The following NDRG4 variants were observed in gnomAD, a reference collection of about 807,000 sequenced individuals.
NDRG4 encodes the protein protein NDRG4.
Under a neutral mutation model 55.8 loss-of-function variants are expected in NDRG4, and 38 were observed. The ratio of observed to expected loss-of-function variants is 0.68; its 90% CI spans 0.53 to 0.89. The LOEUF is 0.89. Among genes scored for constraint, NDRG4 ranks in the 40% least tolerant of loss-of-function variants. NDRG4 has a pLI of 0.00. For synonymous variants in NDRG4, 190 were observed against 182.7 expected (o/e 1.04, Z -0.32); for missense variants, 455 against 468.6 (o/e 0.97, Z 0.27).
At chr16:58,467,209 TAA>T (rs1359785612) in intron 1 of NDRG4, among the ~76,000 whole-genome samples, 5 of 152,186 alleles carry the variant, frequency 3.3e-5, no homozygotes, top group Non-Finnish European at 5.9e-5. Context: ...TACTGAATTT[TAA>T]AAACTCATAT....
upstream of NDRG4, chr16:58,500,129 A>C: frequency 6.5e-7 from 1 of 1,533,780 alleles, no homozygotes; most frequent in East Asian, 2.4e-5. Flanking sequence ...ATGGCCCAGG[A>C]GCTGTGCCCC....
intron 8 of NDRG4, chr16:58,507,573 C>G (rs1246595213): frequency 1.8e-6 from 1 of 548,010 alleles, no homozygotes; most frequent in Admixed American, 3.1e-5. Flanking sequence ...AGCAGAAACT[C>G]CCACAGCACA....
chr16:58,507,560 A>G, intron 8 of NDRG4: 1 of 545,142 alleles, frequency 1.8e-6, no homozygotes, highest in Non-Finnish European at 3.3e-6. Flanking sequence ...GAGACAGGCC[A>G]GTAGCAGAAA....
At chr16:58,479,793 A>G (rs2034171986) in intron 1 of NDRG4, among the ~76,000 whole-genome samples, 1 of 152,180 alleles carries the variant, frequency 6.6e-6, no homozygotes, top group Admixed American at 6.5e-5. Flanking sequence ...CTGAGGAGCA[A>G]TGGTCTGAGC....
intron 1 of NDRG4, chr16:58,501,168 C>A: frequency 1.2e-6 from 1 of 860,782 alleles, no homozygotes; most frequent in Non-Finnish European, 1.5e-6. Flanking sequence ...GCCGGTTCCG[C>A]AGACGATAGG....
At chr16:58,503,640 C>T (rs1017235732) in intron 1 of NDRG4, 158 bp from the exon 2 acceptor site, 1 of 1,425,206 alleles carries the variant, frequency 7.0e-7, no homozygotes, top group African/African-American at 1.4e-5. Context: ...TCCATCCATT[C>T]AGTCCTCTCT....
chr16:58,477,540 A>G (rs1408535429), intron 1 of NDRG4, among the ~76,000 whole-genome samples: 1 of 152,242 alleles, frequency 6.6e-6, no homozygotes, highest in Non-Finnish European at 1.5e-5. Flanking sequence ...CCCACAGGGT[A>G]AAATAAATAT....
intron 4 of NDRG4, 47 bp downstream of exon 4, chr16:58,504,468 C>A (rs1401255535): frequency 1.2e-6 from 2 of 1,611,934 alleles, no homozygotes; most frequent in Admixed American, 3.3e-5. Context: ...GGTGCCTACC[C>A]CAACTGCAGA....
At position 58,504,196 on chromosome 16, in the gene NDRG4, A is replaced by C. The variant is rs776133455; in HGVS notation, c.170A>C (p.Gln57Pro). Residue 57 changes from glutamine to proline, a missense_variant, in exon 3 of 15, where the codon CAG becomes CCG. By Grantham distance (76) the Gln-to-Pro change is moderately conservative. Coordinates refer to ENST00000570248, the MANE Select transcript of NDRG4 (RefSeq NM_001242835.2). ...ACCTTCTTCAACTTCGAGGACATGCAGGAGATCACCAAGCACTTTGTGGTG... is the reference window on the plus strand; with the variant it reads ...ACCTTCTTCAACTTCGAGGACATGCCGGAGATCACCAAGCACTTTGTGGTG... The part of the protein sequence containing the change: ...FNTFFNFEDM[Q>P]EITKHFVVCH... The C allele has an allele frequency of 2.5e-6, 4 of 1,614,058 alleles. No homozygotes were observed. In the African/African-American group the frequency reaches 5.3e-5, roughly 22 times the overall value.
At chr16:58,514,373 T>C (rs2039054001), downstream of NDRG4, among the ~76,000 whole-genome samples, 1 of 152,196 alleles carries the variant, frequency 6.6e-6, no homozygotes, top group Non-Finnish European at 1.5e-5. Context: ...CTTACATTAA[T>C]TCTACAGAGT....
In NDRG4 at chr16:58,506,584, C is replaced by A; in HGVS notation, c.486C>A (p.Pro162=). The A allele has an allele frequency of 6.4e-7, 1 of 1,574,498 alleles. No homozygotes were observed. The highest frequency in any genetic ancestry group is 8.6e-7 in the Non-Finnish European group (1 of 1,163,176). Residue 162 remains proline, a synonymous_variant, in exon 7 of 15, where the codon CCC becomes CCA. Transcript: ENST00000570248. Reference sequence around the variant, plus strand: ...TCTCCGGCCTAACTAGCACTTTACCCGACACGGTGCTCTCCCACCTCTTCA... The same window carrying A: ...TCTCCGGCCTAACTAGCACTTTACCAGACACGGTGCTCTCCCACCTCTTCA... ...TKLSGLTSTL[P]DTVLSHLFSQ... is the part of the protein sequence containing the mutation.
exon 2 of NDRG4, chr16:58,487,797 C>G (rs372683800): frequency 1.3e-5 from 20 of 1,543,954 alleles, no homozygotes; most frequent in Admixed American, 5.9e-5. Flanking sequence ...GCTGCAGGAG[C>G]TGCGATTCCC....
At chr16:58,477,170 A>G (rs998740724) in intron 1 of NDRG4, among the ~76,000 whole-genome samples, 1 of 151,412 alleles carries the variant, frequency 6.6e-6, no homozygotes, top group Non-Finnish European at 1.5e-5. Context: ...TGATATATAT[A>G]TATATATGTA....
intron 1 of NDRG4, among the ~76,000 whole-genome samples, chr16:58,480,155 C>G (rs563365663): frequency 6.6e-6 from 1 of 152,200 alleles, no homozygotes; most frequent in African/African-American, 2.4e-5. Flanking sequence ...GAGTCTTGCT[C>G]TGTCACCCAG....
downstream of NDRG4, among the ~76,000 whole-genome samples, chr16:58,514,204 C>T (rs1472051844): frequency 6.6e-6 from 1 of 152,222 alleles, no homozygotes; most frequent in Non-Finnish European, 1.5e-5. Flanking sequence ...TAAATCTTCA[C>T]CTATGTATAA....
rs1227132922 is a variant in NDRG4, at chr16:58,492,859, C to T, written c.73-2105C>T. 2.0e-5 allele frequency among the ~76,000 whole-genome samples: 3 copies of T among 152,090 alleles called. No individual in the cohort carries two copies. In the East Asian group the frequency reaches 5.8e-4, roughly 29 times the overall value. On this transcript the variant is annotated intron_variant, in intron 2 of 15. Coordinates refer to the NDRG4 transcript ENST00000258187. ...TTTGAGTGAGAGATTCATGATCAGC[C>T]CCAGGCCCTTGTCCTCCCCCTCCAG...
intron 1 of NDRG4, among the ~76,000 whole-genome samples, chr16:58,476,368 G>T (rs2033632254): frequency 6.6e-6 from 1 of 152,154 alleles, no homozygotes; most frequent in Non-Finnish European, 1.5e-5. Context: ...CCTTGCCCTT[G>T]GTCTTAGAAT....
chr16:58,501,487 G>C (rs2037099645), intron 1 of NDRG4: 1 of 167,386 alleles, frequency 6.0e-6, no homozygotes, highest in South Asian at 1.9e-4. Flanking sequence ...GCTCGGCCCT[G>C]AGGGTTGGGG....
Position 58,510,681 on chromosome 16 carries a change from C to G in NDRG4, c.902C>G (p.Ala301Gly), listed in dbSNP as rs1231943020. 4 of 1,535,988 alleles carry G rather than the reference C, an allele frequency of 2.6e-6. No individual in the cohort carries two copies. ...AAGGACCGAAGGCTGAGTGGAGGAG[C>G]AGGTAGCCCCACGGCCCTTCCCCTG... The part of the protein sequence containing the change: ...YLKDRRLSGG[A>G]VPSASMTRLA... The change falls in exon 14 of 15, where the codon GCA (alanine) becomes GGA (glycine). Residue 301 changes from alanine to glycine, a missense_variant and splice_region_variant. Ala to Gly is a moderately conservative substitution (Grantham distance 60). Coordinates refer to ENST00000570248, the MANE Select transcript of NDRG4 (RefSeq NM_001242835.2).
Sources: gnomAD v4.1 joint callset for allele counts (sites outside exome capture counted in the v4.1 genomes callset) on GRCh38, gnomAD v4.1.1 for gene constraint, MANE v1.5 for transcripts, NCBI Gene and HGNC (gene_info 2026-07-23, HGNC 2026-07-21) for gene names.